SHC4: variants seen among roughly 807,000 people sequenced by gnomAD.
SHC4 encodes SHC adaptor protein 4.
Under a neutral mutation model 69.4 loss-of-function variants are expected in SHC4, and 41 were observed. The observed-to-expected ratio is 0.59, with a 90% CI of 0.46 to 0.77. SHC4 has a LOEUF of 0.77. Among genes scored for constraint, SHC4 ranks in the 30% least tolerant of loss-of-function variants. The probability of loss-of-function intolerance (pLI) is 0.00; values close to 1 mark genes in which losing one functional copy is unlikely to be tolerated. For missense variants in SHC4, 777 were observed against 783.8 expected (o/e 0.99, Z 0.10); for synonymous variants, 318 against 299.3 (o/e 1.06, Z -0.64).
chr15:48,850,128 G>A (rs546957026), intron 9 of SHC4, among the ~76,000 whole-genome samples: 12 of 152,118 alleles, frequency 7.9e-5, no homozygotes, highest in East Asian at 1.9e-4. Context: ...GCTTGAACCC[G>A]GAAGGCTGAG....
chr15:48,845,941 T>C (rs1328250748), intron 9 of SHC4, among the ~76,000 whole-genome samples: 3 of 152,186 alleles, frequency 2.0e-5, no homozygotes, highest in Non-Finnish European at 4.4e-5. Context: ...TAGGAGTGCC[T>C]GCTCATAAAA....
At chr15:48,887,564 G>C (rs1900057660) in intron 3 of SHC4, among the ~76,000 whole-genome samples, 1 of 151,582 alleles carries the variant, frequency 6.6e-6, no homozygotes, top group Non-Finnish European at 1.5e-5. Flanking sequence ...AAAGCAGAAA[G>C]GTCTTAAGTC....
At chr15:48,931,891 G>A (rs1900972785) in intron 1 of SHC4, among the ~76,000 whole-genome samples, 1 of 151,436 alleles carries the variant, frequency 6.6e-6, no homozygotes, top group Admixed American at 6.6e-5. Flanking sequence ...TTGTGTTTCT[G>A]TTTGCATTTT....
At chr15:48,850,836 T>C (rs1014166322) in intron 9 of SHC4, among the ~76,000 whole-genome samples, 6 of 152,180 alleles carry the variant, frequency 3.9e-5, no homozygotes, top group African/African-American at 1.4e-4. Context: ...AGGCATCAAT[T>C]TTCACATTAG....
rs1476601725 is a variant in SHC4 at position 48,896,302 on chromosome 15, C to T, written c.657-5491G>A. Among the ~76,000 whole-genome samples, 3 of 143,830 alleles carry T rather than the reference C, an allele frequency of 2.1e-5. No individual in the cohort carries two copies. The Admixed American group carries it at 2.1e-4, about 10-fold the overall frequency. The allele number at this position is 143,830 out of a possible 152,430, so 94.4% of individuals were successfully genotyped here. A position where few individuals can be genotyped will look rare whatever the true frequency, so the allele number is the denominator to read the frequency against. Reference sequence around the variant, plus strand: ...TCTCTCTCTCTCTCCCTCCCTCTCCCTCTCTCTCTCTTTCTTTTCTTTCTT... The same window carrying T: ...TCTCTCTCTCTCTCCCTCCCTCTCCTTCTCTCTCTCTTTCTTTTCTTTCTT... On this transcript the variant is annotated intron_variant, in intron 2 of 11. Coordinates refer to ENST00000332408, the MANE Select transcript of SHC4 (RefSeq NM_203349.4).
intron 1 of SHC4, among the ~76,000 whole-genome samples, chr15:48,944,314 A>G (rs1901234544): frequency 6.6e-6 from 1 of 151,782 alleles, no homozygotes; most frequent in Non-Finnish European, 1.5e-5. Flanking sequence ...CAGATCCCCA[A>G]ACTGCCATTT....
chr15:48,924,413 T>C (rs1900809627), intron 2 of SHC4, among the ~76,000 whole-genome samples: 1 of 152,212 alleles, frequency 6.6e-6, no homozygotes. Flanking sequence ...CTTCCCTGAT[T>C]CCACTGTTCC....
In SHC4 at chr15:48,824,928, G is replaced by T. The variant is rs1266020797; in HGVS notation, c.*1043C>A. The T allele has an allele frequency of 6.6e-6, 1 of 151,492 alleles. No homozygotes were observed. The highest frequency in any genetic ancestry group is 1.5e-5 in the Non-Finnish European group (1 of 67,758). 9.4% of individuals were successfully genotyped at this position (151,492 alleles called of 1,614,324 possible). On this transcript the variant is annotated 3_prime_UTR_variant, in exon 12 of 12. Coordinates refer to ENST00000332408, the MANE Select transcript of SHC4 (RefSeq NM_203349.4). ...TCTTTCCAAGTGCTTCATTCAATATGTTTTTTTTTCCTTCTGCATTTTGTC... is the reference window on the plus strand; with the variant it reads ...TCTTTCCAAGTGCTTCATTCAATATTTTTTTTTTTCCTTCTGCATTTTGTC...
chr15:48,830,906 C>T (rs1898787187), intron 11 of SHC4, among the ~76,000 whole-genome samples: 1 of 152,144 alleles, frequency 6.6e-6, no homozygotes, highest in South Asian at 2.1e-4. Flanking sequence ...GAGATGACAA[C>T]TCCATGCAAG....
intron 4 of SHC4, among the ~76,000 whole-genome samples, chr15:48,873,720 T>G (rs1231089145): frequency 5.3e-5 from 8 of 151,532 alleles, no homozygotes; most frequent in African/African-American, 1.9e-4. Context: ...CAGCCTGGGC[T>G]ACAGAGCGAG....
At chr15:48,830,635 T>G (rs1262871126) in intron 11 of SHC4, among the ~76,000 whole-genome samples, 1 of 152,070 alleles carries the variant, frequency 6.6e-6, no homozygotes, top group African/African-American at 2.4e-5. Flanking sequence ...AAATTAACAA[T>G]AAAGAGTTTA....
At chr15:48,961,416 G>A (rs750626013) in intron 1 of SHC4, among the ~76,000 whole-genome samples, 18 of 152,016 alleles carry the variant, frequency 1.2e-4, no homozygotes, top group Non-Finnish European at 2.6e-4. Context: ...CCCTCCCTCA[G>A]TCACCCACTA....
chr15:48,919,857 A>G (rs1338905311), intron 2 of SHC4, among the ~76,000 whole-genome samples: 2 of 152,128 alleles, frequency 1.3e-5, no homozygotes, highest in Non-Finnish European at 2.9e-5. Flanking sequence ...AGACACATCT[A>G]CAAGAAACAA....
In SHC4 at chr15:48,962,938, G is replaced by C. The variant is rs534829189; in HGVS notation, c.78C>G (p.His26Gln). The C allele has an allele frequency of 6.2e-7, 1 of 1,613,264 alleles. No homozygotes were observed. Among genetic ancestry groups the C allele is most frequent in the Admixed American group, 1.7e-5 (1 of 60,034 alleles). The change falls in exon 1 of 12, where the codon CAC becomes CAG. Residue 26 changes from histidine (H) to glutamine (Q), a missense_variant. Physicochemically the swap from His to Gln is conservative, Grantham distance 24. Coordinates refer to ENST00000332408, the MANE Select transcript of SHC4 (RefSeq NM_203349.4). ...TCCGAAAGCGGCTGTACTTGGCCCT[G>C]TGCAGCATCCCGGGGTGCCCGAAGA... ...VGLFGHPGML[H>Q]RAKYSRFRNE...
chr15:48,932,615 A>G (rs1281559518), intron 1 of SHC4, among the ~76,000 whole-genome samples: 1 of 152,054 alleles, frequency 6.6e-6, no homozygotes, highest in Admixed American at 6.6e-5. Flanking sequence ...CTTCTTATCC[A>G]TGTCCATCTT....
At position 48,867,807 on chromosome 15, in the gene SHC4, G is replaced by T. The variant is rs1166873045; in HGVS notation, c.946+11C>A. The T allele has an allele frequency of 6.8e-6, 11 of 1,612,660 alleles. No individual in the cohort carries two copies. Among genetic ancestry groups the T allele is most frequent in the Non-Finnish European group, 6.8e-6 (8 of 1,179,006 alleles). On this transcript the variant is annotated intron_variant, in intron 6 of 11. Transcript: ENST00000332408. ...CAGCTCTTTAAAAAATCTGTAAGTT[G>T]CTTTCCATACCTCGTTGATTAACTG... is the stretch of plus-strand genomic sequence containing the variant.
chr15:48,909,660 T>G (rs1170704549), intron 2 of SHC4, among the ~76,000 whole-genome samples: 1 of 152,202 alleles, frequency 6.6e-6, no homozygotes, highest in African/African-American at 2.4e-5. Flanking sequence ...TTTTCAAAGT[T>G]TCCCTATTCA....
At chr15:48,879,733 TCTC>T (rs1473947609) in intron 4 of SHC4, 3 of 167,086 alleles carry the variant, frequency 1.8e-5, no homozygotes, top group African/African-American at 7.2e-5. Flanking sequence ...TTTCCCTCTG[TCTC>T]CTCCTCTAAT....
At chr15:48,871,154 G>A (rs1899668907) in intron 5 of SHC4, among the ~76,000 whole-genome samples, 1 of 152,156 alleles carries the variant, frequency 6.6e-6, no homozygotes, top group African/African-American at 2.4e-5. Context: ...GTTCCTGAAG[G>A]ATATAATCTT....
Sources: allele counts gnomAD v4.1 joint callset (sites outside exome capture counted in the v4.1 genomes callset), GRCh38; gene constraint gnomAD v4.1.1; transcripts MANE v1.5; gene names NCBI Gene and HGNC (gene_info 2026-07-23, HGNC 2026-07-21).